FAM32A: variants seen among roughly 807,000 people sequenced by gnomAD.
FAM32A encodes the protein family with sequence similarity 32 member A.
Under a neutral mutation model 15.8 loss-of-function variants are expected in FAM32A, and 9 were observed. The ratio of observed to expected loss-of-function variants is 0.57; its 90% CI spans 0.34 to 1.00. FAM32A has a LOEUF of 1.00. FAM32A is among the 50% of genes least tolerant of loss of function. FAM32A has a pLI of 0.02. For synonymous variants in FAM32A, 64 were observed against 54.9 expected (o/e 1.16, Z -0.73); for missense variants, 113 against 138.3 (o/e 0.82, Z 0.92).
Position 16,191,092 on chromosome 19 carries a change from C to A in FAM32A, c.*137C>A. The A allele has an allele frequency of 1.4e-6, 1 of 692,638 alleles. No individual in the cohort carries two copies. 42.9% of individuals were successfully genotyped at this position (692,638 alleles called of 1,614,324 possible). Reference sequence around the variant, plus strand: ...TTCTGCTACAGACTGCTTTTCGAAGCTGTGTACCCTCATTCTGGAACTTGA... The same window carrying A: ...TTCTGCTACAGACTGCTTTTCGAAGATGTGTACCCTCATTCTGGAACTTGA... On this transcript the variant is annotated 3_prime_UTR_variant, in exon 4 of 4. Coordinates refer to ENST00000263384, the MANE Select transcript of FAM32A (RefSeq NM_014077.4).
Position 16,191,236 on chromosome 19 carries a change from CTG to C in FAM32A, c.*285_*286del, listed in dbSNP as rs199874860. The C allele has an allele frequency of 3.5e-3, 1,481 of 422,822 alleles. 24 individuals are homozygous for C. Among genetic ancestry groups the C allele is most frequent in the African/African-American group, 0.027 (1,352 of 49,256 alleles). The allele number at this position is 422,822 out of a possible 1,614,324, so 26.2% of individuals were successfully genotyped here. A position where few individuals can be genotyped will look rare whatever the true frequency, so the allele number is the denominator to read the frequency against. On this transcript the variant is annotated 3_prime_UTR_variant, in exon 4 of 4. Coordinates refer to ENST00000263384, the MANE Select transcript of FAM32A (RefSeq NM_014077.4). ...TCCAGAGGTAAAGCCCATTGTGTGTCTGTGTCATGTAAAAATGTTTTCACCCG... is the reference window on the plus strand; with the variant it reads ...TCCAGAGGTAAAGCCCATTGTGTGTCTGTCATGTAAAAATGTTTTCACCCG...
chr19:16,189,019 CTTTTTTTTTTTTTT>C (rs11340905), intron 2 of FAM32A, among the ~76,000 whole-genome samples: 4 of 83,394 alleles, frequency 4.8e-5, no homozygotes, highest in Admixed American at 4.0e-4. Context: ...CTCAGTGCTT[CTTTTTTTTTTTTTT>C]TTTTTTTTTG....
intron 2 of FAM32A, among the ~76,000 whole-genome samples, chr19:16,189,076 G>A (rs1490277403): frequency 7.0e-6 from 1 of 143,384 alleles, no homozygotes; most frequent in African/African-American, 2.6e-5. Context: ...AGGCTGGAGT[G>A]CAATGGCAAG....
In FAM32A at chr19:16,190,984, G is replaced by A. The variant is rs550101685; in HGVS notation, c.*29G>A. The A allele has an allele frequency of 1.8e-4, 290 of 1,593,680 alleles. 1 individual carries two copies. The South Asian group carries it at 2.6e-3, about 14-fold the overall frequency. On this transcript the variant is annotated 3_prime_UTR_variant, in exon 4 of 4. Coordinates refer to ENST00000263384, the MANE Select transcript of FAM32A (RefSeq NM_014077.4). The stretch of plus-strand genomic sequence containing the variant: ...CCTGCCCCCAGTATGGAGCAGCATC[G>A]AGGGTTCGCAAAAGGCCACACTGGG...
chr19:16,189,019 CTTTTTTTTTT>C lies in FAM32A; in HGVS notation c.217-1487_217-1478del, dbSNP rs11340905. On this transcript the variant is annotated intron_variant, in intron 2 of 3. Transcript: ENST00000263384. ...CCATATAGCTGGTGCCTCAGTGCTT[CTTTTTTTTTT>C]TTTTTTTTTTTTTGAGACAGTCTCG... is the stretch of plus-strand genomic sequence containing the variant. Among the ~76,000 whole-genome samples, 3 of 83,394 alleles carry C rather than the reference CTTTTTTTTTT, an allele frequency of 3.6e-5. No homozygotes were observed. In the East Asian group the frequency reaches 9.1e-4, roughly 25 times the overall value. The allele number at this position is 83,394 out of a possible 152,430, so 54.7% of individuals were successfully genotyped here.
rs2091405199 is a variant in FAM32A, at chr19:16,191,205, A to C, written c.*250A>C. ...TTTTCGTTTGGATGGAAAGTTTCTA[A>C]GTTTATCCAGAGGTAAAGCCCATTG... On this transcript the variant is annotated 3_prime_UTR_variant, in exon 4 of 4. Transcript: ENST00000263384. 2.0e-6 allele frequency: 1 copy of C among 489,848 alleles called. No homozygotes were observed. Among genetic ancestry groups the C allele is most frequent in the African/African-American group, 2.0e-5 (1 of 51,038 alleles). 30.3% of individuals were successfully genotyped at this position (489,848 alleles called of 1,614,324 possible).
In FAM32A at chr19:16,185,710, G is replaced by A; in HGVS notation, c.161G>A (p.Gly54Asp). Reference sequence around the variant, plus strand: ...AAGAACGAGGAGGAGAAGCGGCGCGGCCTGGACAAGCGGACCCCGGCCCAG... The same window carrying A: ...AAGAACGAGGAGGAGAAGCGGCGCGACCTGGACAAGCGGACCCCGGCCCAG... ...SKKNEEEKRRGLDKRTPAQAA... is the reference protein window; with the variant it reads ...SKKNEEEKRRDLDKRTPAQAA... The change falls in exon 2 of 4, where the codon GGC becomes GAC. Residue 54 changes from glycine (G) to aspartate (D), a missense_variant. Around this residue, in one of 2 missense-constraint regions of FAM32A, gnomAD observed 112 missense variants for 118.6 expected, o/e 0.94. Coordinates refer to ENST00000263384, the MANE Select transcript of FAM32A (RefSeq NM_014077.4). 6.4e-7 allele frequency: 1 copy of A among 1,561,392 alleles called. No individual in the cohort carries two copies.
chr19:16,185,533 C>T lies in FAM32A; in HGVS notation c.74+17C>T. On this transcript the variant is annotated intron_variant, in intron 1 of 3. Coordinates refer to ENST00000263384, the MANE Select transcript of FAM32A (RefSeq NM_014077.4). ...GACCAAGCGGTGAGGCCCGAGGGCC[C>T]GCGGGATTCCGTCTTCATCCCCCTT... 1 of 1,567,268 alleles carries T rather than the reference C, an allele frequency of 6.4e-7. No homozygotes were observed. The highest frequency in any genetic ancestry group is 8.7e-7 in the Non-Finnish European group (1 of 1,155,270).
intron 2 of FAM32A, among the ~76,000 whole-genome samples, chr19:16,187,997 C>T (rs1216713321): frequency 6.6e-6 from 1 of 152,164 alleles, no homozygotes; most frequent in Non-Finnish European, 1.5e-5. Flanking sequence ...TCACCCGCCT[C>T]AGCCTCCCAA....
chr19:16,190,451 C>A, intron 2 of FAM32A, 69 bp from the exon 3 acceptor site: 2 of 1,146,246 alleles, frequency 1.7e-6, no homozygotes, highest in Non-Finnish European at 2.6e-6. Context: ...CAGGCTCCAT[C>A]TTCCACCCCA....
chr19:16,185,418 A>G lies in FAM32A; in HGVS notation c.-25A>G, dbSNP rs758726387. 2 of 1,549,972 alleles carry G rather than the reference A, an allele frequency of 1.3e-6. No homozygotes were observed. Among genetic ancestry groups the G allele is most frequent in the African/African-American group, 1.4e-5 (1 of 73,066 alleles). The stretch of plus-strand genomic sequence containing the variant: ...TTGCAAACAGGAAGTGTGGCACTCC[A>G]GCTACCGAAGCACTGGAGAGTGTCA... On this transcript the variant is annotated 5_prime_UTR_variant, in exon 1 of 4. Transcript: ENST00000263384.
At chr19:16,187,776 C>T (rs1048682566) in intron 2 of FAM32A, among the ~76,000 whole-genome samples, 20 of 145,610 alleles carry the variant, frequency 1.4e-4, no homozygotes, top group African/African-American at 4.6e-4. Context: ...GAAAAAGCCT[C>T]GCTCTGTTGT....
chr19:16,190,413 C>T (rs1288785895), intron 2 of FAM32A, 107 bp from the exon 3 acceptor site: 19 of 732,048 alleles, frequency 2.6e-5, no homozygotes, highest in Non-Finnish European at 4.5e-5. Flanking sequence ...AAACCTCCAG[C>T]TGTTCTAAAT....
chr19:16,190,401 T>C, intron 2 of FAM32A, 119 bp from the exon 3 acceptor site: 1 of 681,262 alleles, frequency 1.5e-6, no homozygotes, highest in Non-Finnish European at 2.6e-6. Flanking sequence ...GCACAGAGCC[T>C]GAAACCTCCA....
In FAM32A at chr19:16,190,581, G is replaced by A. The variant is rs1003865071; in HGVS notation, c.270+8G>A. 19 of 1,608,902 alleles carry A rather than the reference G, an allele frequency of 1.2e-5. No individual in the cohort carries two copies. Among genetic ancestry groups the A allele is most frequent in the East Asian group, 6.7e-5 (3 of 44,848 alleles). ...CACAAGCAGAGAGTGGAGGTGAGTC[G>A]CCGTGTCCAGTGGGGGAGACTGAGC... On this transcript the variant is annotated splice_region_variant and intron_variant, in intron 3 of 3. Transcript: ENST00000263384.
rs2091403609 is a variant in FAM32A, at chr19:16,190,972, T to C, written c.*17T>C. 6.2e-7 allele frequency: 1 copy of C among 1,608,962 alleles called. No homozygotes were observed. Among genetic ancestry groups the C allele is most frequent in the Non-Finnish European group, 8.5e-7 (1 of 1,175,286 alleles). On this transcript the variant is annotated 3_prime_UTR_variant, in exon 4 of 4. Coordinates refer to ENST00000263384, the MANE Select transcript of FAM32A (RefSeq NM_014077.4). ...ACGAAGTAGCCGCCTGCCCCCAGTA[T>C]GGAGCAGCATCGAGGGTTCGCAAAA... is the stretch of plus-strand genomic sequence containing the variant.
intron 2 of FAM32A, chr19:16,186,258 G>A (rs1245205499): frequency 6.4e-6 from 1 of 155,464 alleles, no homozygotes; most frequent in Non-Finnish European, 1.4e-5. Context: ...TCACCACAAA[G>A]TTTGTTTCCA....
In FAM32A at chr19:16,190,987, G is replaced by A. The variant is rs771423861; in HGVS notation, c.*32G>A. The A allele has an allele frequency of 3.2e-6, 5 of 1,586,998 alleles. No individual in the cohort carries two copies. The highest frequency in any genetic ancestry group is 4.3e-6 in the Non-Finnish European group (5 of 1,155,404). ...GCCCCCAGTATGGAGCAGCATCGAG[G>A]GTTCGCAAAAGGCCACACTGGGGTT... On this transcript the variant is annotated 3_prime_UTR_variant, in exon 4 of 4. Coordinates refer to ENST00000263384, the MANE Select transcript of FAM32A (RefSeq NM_014077.4).
chr19:16,185,922 C>T (rs1042807712), intron 2 of FAM32A, among the ~76,000 whole-genome samples, 157 bp downstream of exon 2: 2 of 152,254 alleles, frequency 1.3e-5, no homozygotes, highest in Admixed American at 6.5e-5. Flanking sequence ...AGAAGAGTCG[C>T]CCTCTGCCGG....
Sources: allele counts gnomAD v4.1 joint callset (sites outside exome capture counted in the v4.1 genomes callset), GRCh38; gene constraint gnomAD v4.1.1; regional missense constraint gnomAD v4.1.1; transcripts MANE v1.5; gene names NCBI Gene and HGNC (gene_info 2026-07-23, HGNC 2026-07-21).